The following IKBKB variants were observed in gnomAD, a reference collection of about 807,000 sequenced individuals.
IKBKB encodes inhibitor of nuclear factor kappa B kinase subunit beta.
Under a neutral mutation model 113.6 loss-of-function variants are expected in IKBKB, and 42 were observed. The observed-to-expected ratio is 0.37, with a 90% CI of 0.29 to 0.48. IKBKB has a LOEUF of 0.48. Ranked by LOEUF, IKBKB falls within the 20% of genes least tolerant of loss-of-function variation. IKBKB has a pLI of 0.99. For missense variants in IKBKB, 673 were observed against 939.7 expected (o/e 0.72, Z 3.71); for synonymous variants, 296 against 361.3 (o/e 0.82, Z 2.05).
At chr8:42,325,125 C>A in intron 19 of IKBKB, 2 of 644,522 alleles carry the variant, frequency 3.1e-6, no homozygotes, top group Non-Finnish European at 3.9e-6. Flanking sequence ...CCATGCAGGG[C>A]AGAGATCAGC....
At chr8:42,326,808 C>T (rs560896145) in intron 20 of IKBKB, among the ~76,000 whole-genome samples, 8 of 152,264 alleles carry the variant, frequency 5.3e-5, no homozygotes, top group African/African-American at 1.4e-4. Context: ...AGCAGCCCTC[C>T]GCCCGTTCTC....
rs1442078054 is a variant in IKBKB, at chr8:42,287,655, C to T, written c.106-979C>T. The stretch of plus-strand genomic sequence containing the variant: ...TGCTCTGCAGGGTTACTAATACCTG[C>T]TAGAGGCTTGTTTTCAAGCCCTGAA... On this transcript the variant is annotated intron_variant, in intron 2 of 21. Transcript: ENST00000520810. 2.0e-5 allele frequency among the ~76,000 whole-genome samples: 3 copies of T among 152,350 alleles called. No homozygotes were observed. In the East Asian group the frequency reaches 5.8e-4, roughly 29 times the overall value.
intron 3 of IKBKB, 88 bp from the exon 4 acceptor site, chr8:42,290,068 G>A: frequency 2.2e-6 from 2 of 909,564 alleles, no homozygotes; most frequent in South Asian, 2.8e-5. Context: ...GGTTATCCTG[G>A]GCCTTTGTTG....
At chr8:42,299,712 C>T (rs1814752383) in intron 5 of IKBKB, among the ~76,000 whole-genome samples, 1 of 152,252 alleles carries the variant, frequency 6.6e-6, no homozygotes, top group Non-Finnish European at 1.5e-5. Context: ...CTGTCCCTTG[C>T]TGGCCTTGCA....
At position 42,314,421 on chromosome 8, in the gene IKBKB, T is replaced by C. The variant is rs202012961; in HGVS notation, c.792T>C (p.Asn264=). The change falls in exon 9 of 22, where the codon AAT becomes AAC. Residue 264 remains asparagine (N), a synonymous_variant. Transcript: ENST00000520810. ...KFSSSLPYPN[N]LNSVLAERLE... Reference sequence around the variant, plus strand: ...CAAGCTCTTTACCCTACCCCAATAATCTTAACAGGTAAGGCACAGCGGCAT... The same window carrying C: ...CAAGCTCTTTACCCTACCCCAATAACCTTAACAGGTAAGGCACAGCGGCAT... The C allele has an allele frequency of 2.5e-6, 4 of 1,588,462 alleles. No individual in the cohort carries two copies. Among genetic ancestry groups the C allele is most frequent in the Non-Finnish European group, 3.5e-6 (4 of 1,156,650 alleles).
At chr8:42,306,168 T>C (rs1255067505) in intron 6 of IKBKB, among the ~76,000 whole-genome samples, 175 bp from the exon 7 acceptor site, 1 of 152,220 alleles carries the variant, frequency 6.6e-6, no homozygotes, top group Non-Finnish European at 1.5e-5. Context: ...CTTTTAGCCC[T>C]GAATCTACCG....
At chr8:42,319,703 C>T (rs898425198) in intron 15 of IKBKB, 57 bp downstream of exon 15, 2 of 1,357,508 alleles carry the variant, frequency 1.5e-6, no homozygotes, top group Admixed American at 2.3e-5. Flanking sequence ...TTTGTGCTCC[C>T]ACTTTTCACT....
At position 42,320,780 on chromosome 8, in the gene IKBKB, A is replaced by G; in HGVS notation, c.1624A>G (p.Thr542Ala). Reference protein sequence around the residue: ...LLVERMMALQTDIVDLQRSPM... With the variant: ...LLVERMMALQADIVDLQRSPM... ...GGTAGAACGGATGATGGCTCTGCAG[A>G]CCGACATTGTGGACTTACAGAGGAG... is the stretch of plus-strand genomic sequence containing the variant. Residue 542 changes from threonine to alanine, a missense_variant, in exon 16 of 22, where the codon ACC (threonine) becomes GCC (alanine). Around this residue, in one of 2 missense-constraint regions of IKBKB, gnomAD observed 506 missense variants for 638.7 expected, o/e 0.79. Coordinates refer to ENST00000520810, the MANE Select transcript of IKBKB (RefSeq NM_001556.3). 1 of 1,611,344 alleles carries G rather than the reference A, an allele frequency of 6.2e-7. No homozygotes were observed. Among genetic ancestry groups the G allele is most frequent in the Non-Finnish European group, 8.5e-7 (1 of 1,178,662 alleles).
At chr8:42,308,487 G>T (rs908802475) in intron 7 of IKBKB, among the ~76,000 whole-genome samples, 3 of 151,826 alleles carry the variant, frequency 2.0e-5, no homozygotes, top group Non-Finnish European at 4.4e-5. Context: ...TAGTAGAGAC[G>T]GGGTTTCACC....
chr8:42,276,700 G>T (rs1253564393), intron 2 of IKBKB, among the ~76,000 whole-genome samples: 5 of 149,538 alleles, frequency 3.3e-5, no homozygotes, highest in African/African-American at 9.8e-5. Flanking sequence ...AGCACTTCCC[G>T]TATGTTTTCT....
Position 42,316,579 on chromosome 8 carries a change from C to G in IKBKB, c.931-131C>G. 1 of 948,466 alleles carries G rather than the reference C, an allele frequency of 1.1e-6. No homozygotes were observed. The highest frequency in any genetic ancestry group is 1.6e-6 in the Non-Finnish European group (1 of 642,458). The allele number at this position is 948,466 out of a possible 1,614,324, so 58.8% of individuals were successfully genotyped here. ...TATGCGAAACATGGCACATGACCTC[C>G]CTCCCTCAAGCTAGGCCCTTGCTTT... On this transcript the variant is annotated intron_variant, in intron 10 of 21. Coordinates refer to ENST00000520810, the MANE Select transcript of IKBKB (RefSeq NM_001556.3). The surrounding 1 kb of genome is among the most constrained non-coding windows in gnomAD (Gnocchi z 4.5).
intron 2 of IKBKB, 144 bp from the exon 3 acceptor site, chr8:42,288,490 C>G (rs977745627): frequency 1.8e-6 from 1 of 552,244 alleles, no homozygotes; most frequent in Non-Finnish European, 3.3e-6. Context: ...ACGTGGCTGT[C>G]GATCAGGGTG....
intron 21 of IKBKB, 40 bp from the exon 22 acceptor site, chr8:42,330,874 T>G: frequency 6.2e-7 from 1 of 1,614,132 alleles, no homozygotes; most frequent in Non-Finnish European, 8.5e-7. Flanking sequence ...TGAAATGTGT[T>G]GGTGGCTGTT....
At position 42,320,766 on chromosome 8, in the gene IKBKB, T is replaced by A; in HGVS notation, c.1610T>A (p.Met537Lys). 6.2e-7 allele frequency: 1 copy of A among 1,612,622 alleles called. No homozygotes were observed. Among genetic ancestry groups the A allele is most frequent in the Non-Finnish European group, 8.5e-7 (1 of 1,179,218 alleles). Residue 537 changes from methionine (M) to lysine (K), a missense_variant, in exon 16 of 22, where the codon ATG becomes AAG. Physicochemically the swap from Met to Lys is moderately conservative, Grantham distance 95. Coordinates refer to ENST00000520810, the MANE Select transcript of IKBKB (RefSeq NM_001556.3). Reference sequence around the variant, plus strand: ...GAAGTGAAACTCCTGGTAGAACGGATGATGGCTCTGCAGACCGACATTGTG... The same window carrying A: ...GAAGTGAAACTCCTGGTAGAACGGAAGATGGCTCTGCAGACCGACATTGTG... ...ENEVKLLVER[M>K]MALQTDIVDL...
At position 42,331,232 on chromosome 8, in the gene IKBKB, G is replaced by A. The variant is rs1420739714; in HGVS notation, c.*253G>A. 6 of 714,090 alleles carry A rather than the reference G, an allele frequency of 8.4e-6. No individual in the cohort carries two copies. The highest frequency in any genetic ancestry group is 1.5e-5 in the Non-Finnish European group (6 of 396,986). 44.2% of individuals were successfully genotyped at this position (714,090 alleles called of 1,614,324 possible). A position where few individuals can be genotyped will look rare whatever the true frequency, so the allele number is the denominator to read the frequency against. ...GACGCAGCCCTCCGTGGGCACTGCCGGCGCCTTGTCTGCACACTGGAGGTC... is the reference window on the plus strand; with the variant it reads ...GACGCAGCCCTCCGTGGGCACTGCCAGCGCCTTGTCTGCACACTGGAGGTC... On this transcript the variant is annotated 3_prime_UTR_variant, in exon 22 of 22. Coordinates refer to ENST00000520810, the MANE Select transcript of IKBKB (RefSeq NM_001556.3).
In IKBKB at chr8:42,312,138, G is replaced by A. The variant is rs370284659; in HGVS notation, c.693-2184G>A. Among the ~76,000 whole-genome samples, 66 of 152,228 alleles carry A rather than the reference G, an allele frequency of 4.3e-4. 2 individuals carry two copies. The highest frequency in any genetic ancestry group is 1.4e-3 in the African/African-American group (59 of 41,544). On this transcript the variant is annotated intron_variant, in intron 8 of 21. Coordinates refer to ENST00000520810, the MANE Select transcript of IKBKB (RefSeq NM_001556.3). The stretch of plus-strand genomic sequence containing the variant: ...CCTGACCTCGTGAACTGCCCGCCTC[G>A]GCCTCCCAAAGTGCTGGGATTACAG...
At chr8:42,278,248 G>A (rs572560797) in intron 2 of IKBKB, among the ~76,000 whole-genome samples, 4 of 152,200 alleles carry the variant, frequency 2.6e-5, no homozygotes, top group Admixed American at 6.5e-5. Flanking sequence ...GAAGGCCAGC[G>A]TGGCCGGAAG....
intron 8 of IKBKB, chr8:42,309,809 TAATA>T (rs1450509115): frequency 6.6e-6 from 1 of 152,066 alleles, no homozygotes; most frequent in Admixed American, 6.5e-5. Flanking sequence ...ATTGTGAACC[TAATA>T]AATTACACAA....
rs371023475 is a variant in IKBKB at position 42,326,486 on chromosome 8, TTC to T, written c.2114+390_2114+391del. 1.3e-4 allele frequency: 23 copies of T among 181,860 alleles called. No individual in the cohort carries two copies. The East Asian group carries it at 3.6e-3, about 29-fold the overall frequency. The allele number at this position is 181,860 out of a possible 1,614,324, so 11.3% of individuals were successfully genotyped here. A position where few individuals can be genotyped will look rare whatever the true frequency, so the allele number is the denominator to read the frequency against. On this transcript the variant is annotated intron_variant, in intron 20 of 21. Transcript: ENST00000520810. ...CACCCTCCTCCCGGTGCCACTGACC[TTC>T]CCATTCTTCCCGTCCTCTCCCTCCT...
Sources: allele counts gnomAD v4.1 joint callset (sites outside exome capture counted in the v4.1 genomes callset), GRCh38; gene constraint gnomAD v4.1.1; regional missense constraint gnomAD v4.1.1; non-coding constraint Gnocchi (gnomAD v3.1); transcripts MANE v1.5; gene names NCBI Gene and HGNC (gene_info 2026-07-23, HGNC 2026-07-21).